The following WDR43 variants were observed in gnomAD, a reference collection of about 807,000 sequenced individuals.
WDR43 encodes WD repeat-containing protein 43.
In WDR43, 13 loss-of-function variants were observed where a neutral mutation model predicts 91.4. That is an observed-to-expected ratio of 0.14 (90% CI 0.09 to 0.23). The LOEUF is 0.23. Ranked by LOEUF, WDR43 falls within the 10% of genes least tolerant of loss-of-function variation. The pLI is 1.00. For missense variants in WDR43, 780 were observed against 809.4 expected (o/e 0.96, Z 0.44); for synonymous variants, 331 against 287.9 (o/e 1.15, Z -1.51).
chr2:28,937,045 T>C, intron 13 of WDR43, 92 bp downstream of exon 13: 1 of 1,280,494 alleles, frequency 7.8e-7, no homozygotes, highest in South Asian at 1.4e-5. Flanking sequence ...TAAAACTCTT[T>C]CAGTGTCAAA....
intron 15 of WDR43, 85 bp from the exon 16 acceptor site, chr2:28,942,227 G>GT: frequency 7.5e-7 from 1 of 1,326,136 alleles, no homozygotes; most frequent in Non-Finnish European, 1.1e-6. Context: ...GCAGCAAGCA[G>GT]TGGGGAAGGT....
chr2:28,909,008 A>G (rs1314880116), intron 3 of WDR43, among the ~76,000 whole-genome samples: 2 of 152,092 alleles, frequency 1.3e-5, no homozygotes, highest in African/African-American at 4.8e-5. Context: ...TTACTAGGTC[A>G]TTCTCTATTA....
intron 16 of WDR43, among the ~76,000 whole-genome samples, chr2:28,944,388 CT>C (rs1274666794): frequency 6.6e-6 from 1 of 152,180 alleles, no homozygotes; most frequent in Non-Finnish European, 1.5e-5. Context: ...TATAGATAGA[CT>C]TTTCCCACAT....
chr2:28,902,701 A>T lies in WDR43; in HGVS notation c.363+577A>T, dbSNP rs139394372. ...TGATGCAAATAAAGAGACAGGAAGGAACAAGTCCCTTCTCTCTCCATCCTT... is the reference window on the plus strand; with the variant it reads ...TGATGCAAATAAAGAGACAGGAAGGTACAAGTCCCTTCTCTCTCCATCCTT... On this transcript the variant is annotated intron_variant, in intron 2 of 17. Transcript: ENST00000407426. 6.1e-3 allele frequency among the ~76,000 whole-genome samples: 925 copies of T among 152,326 alleles called. 10 individuals are homozygous for T. The highest frequency in any genetic ancestry group is 0.021 in the African/African-American group (863 of 41,578).
chr2:28,922,816 T>TGG (rs2148190025), intron 6 of WDR43, 103 bp from the exon 7 acceptor site: 9 of 447,216 alleles, frequency 2.0e-5, no homozygotes, highest in East Asian at 3.8e-5. Context: ...TTTTTTTTTC[T>TGG]GGTTGTGTAA....
chr2:28,895,467 C>G (rs1440219122), intron 1 of WDR43: 1 of 152,388 alleles, frequency 6.6e-6, no homozygotes, highest in African/African-American at 2.4e-5. Context: ...CAACTCTTAA[C>G]TTTTGCCTTT....
At chr2:28,928,218 C>G (rs1349586328) in intron 10 of WDR43, among the ~76,000 whole-genome samples, 2 of 152,134 alleles carry the variant, frequency 1.3e-5, no homozygotes, top group Non-Finnish European at 2.9e-5. Flanking sequence ...CACATTCTTC[C>G]CTCTTACATA....
At chr2:28,912,523 T>C (rs1253820400) in intron 3 of WDR43, 67 bp from the exon 4 acceptor site, 1 of 1,557,258 alleles carries the variant, frequency 6.4e-7, no homozygotes, top group Non-Finnish European at 8.7e-7. Flanking sequence ...GTTTTTTTGT[T>C]ATTTTCTGCT....
In WDR43 at chr2:28,936,913, C is replaced by A; in HGVS notation, c.1525-9C>A. 2 of 1,568,502 alleles carry A rather than the reference C, an allele frequency of 1.3e-6. No homozygotes were observed. Among genetic ancestry groups the A allele is most frequent in the Admixed American group, 3.8e-5 (2 of 53,272 alleles). Reference sequence around the variant, plus strand: ...GTGCTGTTGTTAATAGTGTTTTTCTCTCCCTTAGCTTACAAAGAGGTTACA... The same window carrying A: ...GTGCTGTTGTTAATAGTGTTTTTCTATCCCTTAGCTTACAAAGAGGTTACA... On this transcript the variant is annotated splice_polypyrimidine_tract_variant and intron_variant, in intron 12 of 17. Transcript: ENST00000407426.
intron 6 of WDR43, among the ~76,000 whole-genome samples, chr2:28,922,274 C>T (rs1457399904): frequency 6.6e-6 from 1 of 152,144 alleles, no homozygotes; most frequent in Non-Finnish European, 1.5e-5. Context: ...TCTCTCATTA[C>T]CTTTATAATT....
chr2:28,919,055 C>G (rs1173135487), intron 6 of WDR43, among the ~76,000 whole-genome samples: 4 of 152,094 alleles, frequency 2.6e-5, no homozygotes, highest in Admixed American at 2.6e-4. Flanking sequence ...CCCAGGAGTT[C>G]AGGACCTGCC....
chr2:28,940,506 A>G (rs976571266), intron 14 of WDR43, among the ~76,000 whole-genome samples: 2 of 152,140 alleles, frequency 1.3e-5, no homozygotes, highest in Non-Finnish European at 2.9e-5. Flanking sequence ...CTGGGATTAC[A>G]GGCATGAGCC....
intron 6 of WDR43, among the ~76,000 whole-genome samples, chr2:28,920,394 T>G (rs1671002059): frequency 6.6e-6 from 1 of 151,404 alleles, no homozygotes. Flanking sequence ...CCTGGCTAAT[T>G]TTTGTGTTTT....
chr2:28,946,767 T>C lies in WDR43; in HGVS notation c.2022T>C (p.Ser674=). The C allele has an allele frequency of 6.3e-7, 1 of 1,575,904 alleles. No individual in the cohort carries two copies. The highest frequency in any genetic ancestry group is 8.6e-7 in the Non-Finnish European group (1 of 1,162,612). Reference sequence around the variant, plus strand: ...CTGATTTAGATCCTGAAAATGAAAGTGAAGAAGAATGAAGACAGCAAAGCA... The same window carrying C: ...CTGATTTAGATCCTGAAAATGAAAGCGAAGAAGAATGAAGACAGCAAAGCA... ...GDSDLDPENE[S]EEE The change falls in exon 18 of 18, where the codon AGT becomes AGC. Residue 674 remains serine, a synonymous_variant. Transcript: ENST00000407426.
In WDR43 at chr2:28,946,493, T is replaced by G; in HGVS notation, c.1848T>G (p.Asp616Glu). 6.2e-7 allele frequency: 1 copy of G among 1,611,936 alleles called. No homozygotes were observed. The highest frequency in any genetic ancestry group is 8.5e-7 in the Non-Finnish European group (1 of 1,179,020). The part of the protein sequence containing the change: ...EESDDEIADK[D>E]SEDNWDEDEE... ...CTGATGATGAAATAGCAGATAAGGATTCTGAAGTGAGTGATTTGTTCCCTG... is the reference window on the plus strand; with the variant it reads ...CTGATGATGAAATAGCAGATAAGGAGTCTGAAGTGAGTGATTTGTTCCCTG... Residue 616 changes from aspartate (D) to glutamate (E), a missense_variant, in exon 17 of 18, where the codon GAT becomes GAG. Asp to Glu is a conservative substitution (Grantham distance 45, BLOSUM62 2). Around this residue, in one of 4 missense-constraint regions of WDR43, gnomAD observed 426 missense variants for 467.8 expected, o/e 0.91. Coordinates refer to ENST00000407426, the MANE Select transcript of WDR43 (RefSeq NM_015131.3).
intron 16 of WDR43, among the ~76,000 whole-genome samples, chr2:28,944,121 A>C (rs1343430971): frequency 6.6e-6 from 1 of 152,170 alleles, no homozygotes; most frequent in Non-Finnish European, 1.5e-5. Flanking sequence ...TTTTCTTCAT[A>C]TAGTTCAAAT....
intron 14 of WDR43, among the ~76,000 whole-genome samples, chr2:28,939,035 C>A: frequency 1.2e-5 from 1 of 84,926 alleles, no homozygotes; most frequent in Non-Finnish European, 2.6e-5. Flanking sequence ...GGGAGGTGAC[C>A]TGGGAGCACT....
intron 6 of WDR43, among the ~76,000 whole-genome samples, chr2:28,922,477 T>A (rs1244113332): frequency 6.6e-6 from 1 of 152,058 alleles, no homozygotes; most frequent in African/African-American, 2.4e-5. Context: ...AACAACCCTT[T>A]CTAGGTGGTA....
chr2:28,943,667 G>T (rs1181528540), intron 16 of WDR43, among the ~76,000 whole-genome samples: 1 of 152,158 alleles, frequency 6.6e-6, no homozygotes, highest in East Asian at 1.9e-4. Flanking sequence ...TGGACTCTTG[G>T]TGTGTTTATT....
Sources: gnomAD v4.1 joint callset for allele counts (sites outside exome capture counted in the v4.1 genomes callset) on GRCh38, gnomAD v4.1.1 for gene constraint, gnomAD v4.1.1 regional missense constraint, MANE v1.5 for transcripts, NCBI Gene and HGNC (gene_info 2026-07-23, HGNC 2026-07-21) for gene names.